BRCA2: variants seen among roughly 807,000 people sequenced by gnomAD.
BRCA2 encodes breast cancer type 2 susceptibility protein.
BRCA2 carries 203 observed loss-of-function variants against 276.7 expected under a neutral mutation model. That is an observed-to-expected ratio of 0.73 (90% CI 0.65 to 0.82). The LOEUF (loss-of-function observed/expected upper bound fraction) is 0.82. Ranked by LOEUF, BRCA2 falls within the 40% of genes least tolerant of loss-of-function variation. The pLI is 0.00. For synonymous variants in BRCA2, 1,289 were observed against 1,338.4 expected, an observed-to-expected ratio of 0.96 and a Z score of 0.81; for missense variants, 3,920 against 3,915.0, an observed-to-expected ratio of 1.00 and a Z score of -0.03.
chr13:32,389,861 T>G (rs1337796081), intron 24 of BRCA2, among the ~76,000 whole-genome samples: 1 of 152,204 alleles, frequency 6.6e-6, no homozygotes, highest in Non-Finnish European at 1.5e-5. Flanking sequence ...TTTTCTCATT[T>G]CTGTTCAGAA....
intron 3 of BRCA2, among the ~76,000 whole-genome samples, chr13:32,322,048 A>G (rs1035531471): frequency 3.3e-5 from 5 of 152,046 alleles, no homozygotes; most frequent in South Asian, 2.1e-4. Context: ...GTATGGTTCT[A>G]TGGATTTTGA....
At position 32,376,686 on chromosome 13, in the gene BRCA2, A is replaced by G. The variant is rs786202069; in HGVS notation, c.8649A>G (p.Pro2883=). 2 of 1,614,184 alleles carry G rather than the reference A, an allele frequency of 1.2e-6. No homozygotes were observed. The highest frequency in any genetic ancestry group is 1.1e-5 in the South Asian group (1 of 91,078). The change falls in exon 21 of 27, where the codon CCA becomes CCG. Residue 2883 remains proline, a synonymous_variant. Coordinates refer to ENST00000380152, the MANE Select transcript of BRCA2 (RefSeq NM_000059.4). ...TTTTCTTAGAAAACACAACAAAACC[A>G]TATTTACCATCACGTGCACTAACAA... ...FEEHEENTTK[P]YLPSRALTRQ... is the part of the protein sequence containing the mutation.
intron 18 of BRCA2, among the ~76,000 whole-genome samples, chr13:32,369,184 A>G (rs972940278): frequency 3.3e-5 from 5 of 151,090 alleles, no homozygotes; most frequent in East Asian, 1.9e-4. Flanking sequence ...CACGATATGT[A>G]TGGTTCAGCC....
intron 4 of BRCA2, 26 bp from the exon 5 acceptor site, chr13:32,326,074 TA>T (rs777904678): frequency 1.3e-6 from 2 of 1,593,378 alleles, no homozygotes; most frequent in South Asian, 2.2e-5. Flanking sequence ...TAAAATAACC[TA>T]AGGGATTTGC....
intron 24 of BRCA2, chr13:32,385,617 A>T: frequency 3.8e-6 from 1 of 263,120 alleles, no homozygotes; most frequent in Non-Finnish European, 7.4e-6. Flanking sequence ...GGCAGAACAG[A>T]GAAAAGGTAG....
intron 24 of BRCA2, among the ~76,000 whole-genome samples, chr13:32,380,552 T>TG (rs1471913559): frequency 6.7e-6 from 1 of 148,270 alleles, no homozygotes; most frequent in Non-Finnish European, 1.5e-5. Context: ...TTTTTTTTTT[T>TG]TTCCCCGAGA....
At chr13:32,357,359 G>A (rs1388714784) in intron 15 of BRCA2, among the ~76,000 whole-genome samples, 1 of 152,196 alleles carries the variant, frequency 6.6e-6, no homozygotes, top group African/African-American at 2.4e-5. Flanking sequence ...CCAAGCCTGT[G>A]TACAGATCTG....
rs80359215 is a variant in BRCA2 at position 32,394,833 on chromosome 13, G to T, written c.9401G>T (p.Gly3134Val). 1.9e-6 allele frequency: 3 copies of T among 1,613,904 alleles called. No homozygotes were observed. Among genetic ancestry groups the T allele is most frequent in the Middle Eastern group, 1.6e-4 (1 of 6,084 alleles). The change falls in exon 25 of 27, where the codon GGC becomes GTC. Residue 3134 changes from glycine (G) to valine (V), a missense_variant. This residue lies in a region of BRCA2 where 657 missense variants were observed against 758.2 expected (regional missense o/e 0.87). Coordinates refer to ENST00000380152, the MANE Select transcript of BRCA2 (RefSeq NM_000059.4). ...CAGTGGCGACCAGAATCCAAATCAG[G>T]CCTTCTTACTTTATTTGCTGGAGAT... is the stretch of plus-strand genomic sequence containing the variant. ...NLQWRPESKS[G>V]LLTLFAGDFS...
At chr13:32,324,389 AAGT>A (rs1193164139) in intron 3 of BRCA2, among the ~76,000 whole-genome samples, 1 of 152,222 alleles carries the variant, frequency 6.6e-6, no homozygotes, top group Non-Finnish European at 1.5e-5. Context: ...TATGGGTAAA[AAGT>A]AGACTGTAAA....
intron 15 of BRCA2, 50 bp downstream of exon 15, chr13:32,356,659 T>C: frequency 6.3e-7 from 1 of 1,578,176 alleles, no homozygotes; most frequent in East Asian, 2.2e-5. Context: ...AGTGTAATTT[T>C]ATTTCATTAA....
Position 32,333,029 on chromosome 13 carries a change from T to C in BRCA2, c.1551T>C (p.Asn517=), listed in dbSNP as rs760647691. Residue 517 remains asparagine (N), a synonymous_variant, in exon 10 of 27, where the codon AAT becomes AAC. Transcript: ENST00000380152. ...GAGAATCACCTAAAGAGACTTTCAA[T>C]GCAAGTTTTTCAGGTCATATGACTG... The part of the protein sequence containing the change: ...RIRESPKETF[N]ASFSGHMTDP... The C allele has an allele frequency of 6.3e-7, 1 of 1,596,150 alleles. No homozygotes were observed. The highest frequency in any genetic ancestry group is 1.2e-5 in the South Asian group (1 of 86,578).
At chr13:32,367,498 A>G (rs1050052705) in intron 18 of BRCA2, among the ~76,000 whole-genome samples, 6 of 151,870 alleles carry the variant, frequency 4.0e-5, no homozygotes, top group East Asian at 1.9e-4. Flanking sequence ...GATAACTTCT[A>G]TTCTCATTGT....
Position 32,338,959 on chromosome 13 carries a change from C to T in BRCA2, c.4604C>T (p.Ala1535Val), listed in dbSNP as rs1471265644. 6.2e-7 allele frequency: 1 copy of T among 1,613,720 alleles called. No individual in the cohort carries two copies. Among genetic ancestry groups the T allele is most frequent in the Non-Finnish European group, 8.5e-7 (1 of 1,179,868 alleles). ...GCTAGCGGGAAAAAAGTTAAAATTG[C>T]AAAGGAATCTTTGGACAAAGTGAAA... Reference protein sequence around the residue: ...HTASGKKVKIAKESLDKVKNL... With the variant: ...HTASGKKVKIVKESLDKVKNL... Residue 1535 changes from alanine (A) to valine (V), a missense_variant, in exon 11 of 27, where the codon GCA (alanine) becomes GTA (valine). Coordinates refer to ENST00000380152, the MANE Select transcript of BRCA2 (RefSeq NM_000059.4).
chr13:32,385,814 AT>A, intron 24 of BRCA2: 1 of 170,356 alleles, frequency 5.9e-6, no homozygotes, highest in Non-Finnish European at 1.3e-5. Context: ...CAAGACATAT[AT>A]TTGCACTATG....
intron 24 of BRCA2, among the ~76,000 whole-genome samples, chr13:32,381,837 A>G (rs550267977): frequency 3.3e-5 from 5 of 152,194 alleles, no homozygotes; most frequent in Non-Finnish European, 7.3e-5. Flanking sequence ...ATGATGAACC[A>G]AACAAAAGCA....
At chr13:32,352,093 A>G (rs1187642278) in intron 13 of BRCA2, among the ~76,000 whole-genome samples, 2 of 152,278 alleles carry the variant, frequency 1.3e-5, no homozygotes, top group Non-Finnish European at 2.9e-5. Context: ...GAGCCACTGT[A>G]CCAGGCCTAA....
At position 32,325,080 on chromosome 13, in the gene BRCA2, G is replaced by C. The variant is rs2137446014; in HGVS notation, c.321G>C (p.Arg107Ser). 6.4e-7 allele frequency: 1 copy of C among 1,571,904 alleles called. No homozygotes were observed. Among genetic ancestry groups the C allele is most frequent in the Non-Finnish European group, 8.8e-7 (1 of 1,142,024 alleles). Residue 107 changes from arginine (R) to serine (S), a missense_variant, in exon 4 of 27, where the codon AGG (arginine) becomes AGC (serine). This residue lies in a region of BRCA2 where 3,263 missense variants were observed against 3,156.9 expected (regional missense o/e 1.03). Coordinates refer to ENST00000380152, the MANE Select transcript of BRCA2 (RefSeq NM_000059.4). ...TGAATTATTGTACTGTTTCAGGAAG[G>C]AATGTTCCCAATAGTAGACATAAAA... ...ELDKFKLDLGRNVPNSRHKSL... is the reference protein window; with the variant it reads ...ELDKFKLDLGSNVPNSRHKSL...
intron 7 of BRCA2, among the ~76,000 whole-genome samples, chr13:32,327,794 G>T (rs1401894509): frequency 1.3e-5 from 2 of 149,076 alleles, no homozygotes; most frequent in Non-Finnish European, 3.0e-5. Context: ...ATTGAGACAA[G>T]GTTCTTCTCT....
At chr13:32,391,231 A>G (rs551393271) in intron 24 of BRCA2, among the ~76,000 whole-genome samples, 1 of 152,218 alleles carries the variant, frequency 6.6e-6, no homozygotes, top group Non-Finnish European at 1.5e-5. Flanking sequence ...TCCCTGGGAA[A>G]CAGACTTACA....
Sources: allele counts gnomAD v4.1 joint callset (sites outside exome capture counted in the v4.1 genomes callset), GRCh38; gene constraint gnomAD v4.1.1; regional missense constraint gnomAD v4.1.1; transcripts MANE v1.5; gene names NCBI Gene and HGNC (gene_info 2026-07-23, HGNC 2026-07-21).